The following RTF1 variants were observed in gnomAD, a reference collection of about 807,000 sequenced individuals.
The protein encoded by RTF1 is RNA polymerase-associated protein RTF1 homolog.
A neutral mutation model predicts 95.7 loss-of-function variants in RTF1; 10 were observed. That is an observed-to-expected ratio of 0.10 (90% CI 0.06 to 0.18). RTF1 has a LOEUF of 0.18. RTF1 is among the 10% of genes least tolerant of loss of function. RTF1 has a pLI of 1.00. For synonymous variants in RTF1, 305 were observed against 311.8 expected, an observed-to-expected ratio of 0.98 and a Z score of 0.23; for missense variants, 458 against 875.6, an observed-to-expected ratio of 0.52 and a Z score of 6.02.
Position 41,458,715 on chromosome 15 carries a change from C to G in RTF1, c.662+839C>G, listed in dbSNP as rs188575972. On this transcript the variant is annotated intron_variant, in intron 4 of 17. Coordinates refer to ENST00000389629, the MANE Select transcript of RTF1 (RefSeq NM_015138.5). ...AGTGAGCTGAGATGGCGCCACTGCA[C>G]TCTAGCCTTGGTGAGAGCGAGACTC... is the stretch of plus-strand genomic sequence containing the variant. Among the ~76,000 whole-genome samples the G allele has an allele frequency of 2.7e-3, 405 of 152,054 alleles. 2 individuals carry two copies. Among genetic ancestry groups the G allele is most frequent in the Non-Finnish European group, 5.0e-3 (340 of 67,986 alleles).
In RTF1 at chr15:41,457,664, T is replaced by C; in HGVS notation, c.458-8T>C. ...TAGTGTAATCTTGTGTTTGGGCCTT[T>C]GTTGCAGGTGAAGTGTCAGACTCTG... On this transcript the variant is annotated splice_region_variant and splice_polypyrimidine_tract_variant and intron_variant, in intron 3 of 17. Transcript: ENST00000389629. The C allele has an allele frequency of 6.2e-7, 1 of 1,614,086 alleles. No homozygotes were observed. Among genetic ancestry groups the C allele is most frequent in the Non-Finnish European group, 8.5e-7 (1 of 1,179,900 alleles).
At chr15:41,435,260 G>T (rs2050696020) in intron 1 of RTF1, among the ~76,000 whole-genome samples, 1 of 152,016 alleles carries the variant, frequency 6.6e-6, no homozygotes, top group Admixed American at 6.6e-5. Context: ...CTTGACTGTG[G>T]TCGTGGTTTA....
chr15:41,475,705 G>C lies in RTF1; in HGVS notation c.1375-7G>C, dbSNP rs1294947022. ...ACTAATAATCTCGTATCGTGTTTTT[G>C]ATCCAGATGTTCTCTGCTGGCATGC... On this transcript the variant is annotated splice_polypyrimidine_tract_variant and splice_region_variant and intron_variant, in intron 10 of 17. Coordinates refer to ENST00000389629, the MANE Select transcript of RTF1 (RefSeq NM_015138.5). 1.9e-6 allele frequency: 3 copies of C among 1,606,942 alleles called. No homozygotes were observed. Among genetic ancestry groups the C allele is most frequent in the East Asian group, 2.2e-5 (1 of 44,842 alleles).
chr15:41,461,601 T>G (rs1036898051), intron 4 of RTF1, among the ~76,000 whole-genome samples: 2 of 151,976 alleles, frequency 1.3e-5, no homozygotes, highest in African/African-American at 4.8e-5. Context: ...CATGCTATTC[T>G]GCCTCAGCCT....
chr15:41,473,099 G>A (rs2050922718), intron 8 of RTF1, among the ~76,000 whole-genome samples: 1 of 152,110 alleles, frequency 6.6e-6, no homozygotes, highest in African/African-American at 2.4e-5. Flanking sequence ...TCTGGCCTCA[G>A]CCTCCTAAAG....
chr15:41,425,477 G>A (rs1370416968), intron 1 of RTF1, among the ~76,000 whole-genome samples: 2 of 152,134 alleles, frequency 1.3e-5, no homozygotes, highest in African/African-American at 4.8e-5. Context: ...AGGATTTTAA[G>A]TTGGAGAAGA....
intron 2 of RTF1, among the ~76,000 whole-genome samples, chr15:41,448,156 G>A (rs1186477012): frequency 6.6e-6 from 1 of 152,060 alleles, no homozygotes; most frequent in Non-Finnish European, 1.5e-5. Flanking sequence ...TTTTAAGTGT[G>A]TGCTTAGACA....
At chr15:41,434,416 T>C (rs947026868) in intron 1 of RTF1, among the ~76,000 whole-genome samples, 1 of 152,098 alleles carries the variant, frequency 6.6e-6, no homozygotes, top group Admixed American at 6.6e-5. Context: ...TGCACTGTGC[T>C]GAATGAAAGA....
intron 2 of RTF1, among the ~76,000 whole-genome samples, chr15:41,445,612 G>A (rs1046865890): frequency 6.6e-6 from 1 of 151,984 alleles, no homozygotes; most frequent in African/African-American, 2.4e-5. Context: ...CAGTAGAAAG[G>A]AAAAGAAAGC....
At chr15:41,461,231 C>T (rs1172056164) in intron 4 of RTF1, among the ~76,000 whole-genome samples, 6 of 151,468 alleles carry the variant, frequency 4.0e-5, no homozygotes, top group African/African-American at 7.3e-5. Context: ...TTAGCAGGGA[C>T]GGGGTTTCAC....
intron 16 of RTF1, 46 bp from the exon 17 acceptor site, chr15:41,480,168 A>G: frequency 3.2e-6 from 4 of 1,236,206 alleles, no homozygotes; most frequent in Admixed American, 3.4e-5. Flanking sequence ...CTTGAAATCC[A>G]CTTGCATTTA....
intron 1 of RTF1, 105 bp downstream of exon 1, chr15:41,417,418 C>A: frequency 1.0e-6 from 1 of 1,004,428 alleles, no homozygotes; most frequent in Non-Finnish European, 1.3e-6. Flanking sequence ...GAGCGCCCAG[C>A]TCGCCCCGTG....
Position 41,478,138 on chromosome 15 carries a change from C to T in RTF1, c.1741-410C>T, listed in dbSNP as rs140101836. ...AAAATTAGCCGGGCATGGTGGCTCA[C>T]GCCTGTAATCCCAGCACTTTGGGAG... On this transcript the variant is annotated intron_variant, in intron 14 of 17. Transcript: ENST00000389629. Among the ~76,000 whole-genome samples, 1,049 of 152,020 alleles carry T rather than the reference C, an allele frequency of 6.9e-3. 13 individuals carry two copies. Among genetic ancestry groups the T allele is most frequent in the African/African-American group, 0.023 (935 of 41,454 alleles).
In RTF1 at chr15:41,438,301, G is replaced by T. The variant is rs1360457256; in HGVS notation, c.199-20G>T. ...TTTCTCTGTTGAACAAAACTGATGT[G>T]CCTATTTTTGTCCCATTAGGAGCTC... On this transcript the variant is annotated intron_variant, in intron 1 of 17. Transcript: ENST00000389629. The T allele has an allele frequency of 6.7e-7, 1 of 1,490,068 alleles. No homozygotes were observed. The highest frequency in any genetic ancestry group is 9.1e-7 in the Non-Finnish European group (1 of 1,093,326). The allele number at this position is 1,490,068 out of a possible 1,614,324, so 92.3% of individuals were successfully genotyped here.
rs567089262 is a variant in RTF1, at chr15:41,480,252, C to G, written c.1953C>G (p.Ala651=). The change falls in exon 17 of 18, where the codon GCC becomes GCG. Residue 651 remains alanine, a synonymous_variant. Coordinates refer to ENST00000389629, the MANE Select transcript of RTF1 (RefSeq NM_015138.5). ...GKDKDLNSKS[A]SDLSEDLFKV... ...ATAAAGATTTGAATTCTAAGTCAGC[C>G]AGTGACCTCTCAGAAGATCTGTTCA... The G allele has an allele frequency of 2.5e-6, 4 of 1,613,778 alleles. No homozygotes were observed. In the Admixed American group the frequency reaches 6.7e-5, roughly 27 times the overall value.
chr15:41,473,947 G>T (rs1050998109), intron 8 of RTF1, among the ~76,000 whole-genome samples: 2 of 152,076 alleles, frequency 1.3e-5, no homozygotes, highest in African/African-American at 4.8e-5. Context: ...TGAGGCAGGA[G>T]AATCACTTGA....
chr15:41,482,951 G>A lies in RTF1; in HGVS notation c.*2264G>A, dbSNP rs1029268177. On this transcript the variant is annotated 3_prime_UTR_variant, in exon 18 of 18. Transcript: ENST00000389629. ...TTGGAGAAGTGTTGATTACATTATG[G>A]CTGTGTAATAAAATTTTTATTAAAA... 2.6e-5 allele frequency: 4 copies of A among 152,470 alleles called. No homozygotes were observed. Among genetic ancestry groups the A allele is most frequent in the African/African-American group, 9.7e-5 (4 of 41,364 alleles). The allele number at this position is 152,470 out of a possible 1,614,324, so 9.4% of individuals were successfully genotyped here.
intron 2 of RTF1, chr15:41,440,344 C>A (rs1398087022): frequency 6.6e-6 from 1 of 152,028 alleles, no homozygotes; most frequent in Non-Finnish European, 1.5e-5. Context: ...GTGCGTGCCA[C>A]CACACCTGGC....
chr15:41,455,151 TA>T (rs1370147626), intron 3 of RTF1, among the ~76,000 whole-genome samples: 1 of 151,862 alleles, frequency 6.6e-6, no homozygotes, highest in East Asian at 2.0e-4. Context: ...CCGTCTCTAC[TA>T]AAAATACAAA....
Sources: allele counts gnomAD v4.1 joint callset (sites outside exome capture counted in the v4.1 genomes callset), GRCh38; gene constraint gnomAD v4.1.1; transcripts MANE v1.5; gene names NCBI Gene and HGNC (gene_info 2026-07-23, HGNC 2026-07-21).